CADM2: variants seen among roughly 807,000 people sequenced by gnomAD.
CADM2 encodes immunoglobulin superfamily member 4D.
A neutral mutation model predicts 49.8 loss-of-function variants in CADM2; 12 were observed. That is an observed-to-expected ratio of 0.24 (90% CI 0.15 to 0.39). CADM2 has a LOEUF of 0.39. CADM2 is among the 10% of genes least tolerant of loss of function. CADM2 has a pLI of 1.00. For missense variants in CADM2, 378 were observed against 492.3 expected (o/e 0.77, Z 2.20); for synonymous variants, 214 against 175.4 (o/e 1.22, Z -1.74).
At chr3:85,352,812 T>C (rs1484472587) in intron 1 of CADM2, among the ~76,000 whole-genome samples, 3 of 152,146 alleles carry the variant, frequency 2.0e-5, no homozygotes, top group African/African-American at 7.2e-5. Context: ...TTTTTAGTCT[T>C]TGAATCTACT....
intron 3 of CADM2, among the ~76,000 whole-genome samples, chr3:85,810,087 T>C (rs985212891): frequency 6.6e-6 from 1 of 152,034 alleles, no homozygotes; most frequent in Non-Finnish European, 1.5e-5. Context: ...GTAGCGACAG[T>C]AGGAGAACAT....
Position 86,073,576 on chromosome 3 carries a change from C to T in CADM2, c.*6793C>T, listed in dbSNP as rs568639595. ...TACAGGGTTCCCATTTGCACTTCAT[C>T]TTTCAGTAAAGTCTTGTCAGAAAAA... is the stretch of plus-strand genomic sequence containing the variant. On this transcript the variant is annotated 3_prime_UTR_variant, in exon 10 of 10. Transcript: ENST00000383699. The T allele has an allele frequency of 6.6e-6, 1 of 151,932 alleles. No individual in the cohort carries two copies. Among genetic ancestry groups the T allele is most frequent in the Non-Finnish European group, 1.5e-5 (1 of 67,876 alleles). 9.4% of individuals were successfully genotyped at this position (151,932 alleles called of 1,614,324 possible).
chr3:85,487,907 G>A (rs1404494710), intron 1 of CADM2, among the ~76,000 whole-genome samples: 1 of 152,044 alleles, frequency 6.6e-6, no homozygotes, highest in Non-Finnish European at 1.5e-5. Flanking sequence ...ACTTTAGTGA[G>A]TATAAACTGT....
At chr3:85,571,418 T>C (rs1445407924) in intron 1 of CADM2, among the ~76,000 whole-genome samples, 7 of 151,976 alleles carry the variant, frequency 4.6e-5, no homozygotes, top group Non-Finnish European at 8.8e-5. Context: ...TGTTTTTTTT[T>C]TCTGCTGAAA....
intron 1 of CADM2, among the ~76,000 whole-genome samples, chr3:84,974,444 CTAGAG>C (rs1054890174): frequency 6.6e-6 from 1 of 151,750 alleles, no homozygotes; most frequent in Non-Finnish European, 1.5e-5. Context: ...TGATAAATGG[CTAGAG>C]TATAGTTTTA....
intron 3 of CADM2, among the ~76,000 whole-genome samples, chr3:85,841,633 G>C (rs2074641845): frequency 6.6e-6 from 1 of 151,982 alleles, no homozygotes; most frequent in African/African-American, 2.4e-5. Flanking sequence ...GTTTGTGGCT[G>C]TTGGGGTGGA....
At chr3:85,048,195 A>G (rs1324767341) in intron 1 of CADM2, among the ~76,000 whole-genome samples, 6 of 152,188 alleles carry the variant, frequency 3.9e-5, no homozygotes, top group African/African-American at 1.4e-4. Flanking sequence ...ATTATGTTAT[A>G]GATAGTAGGA....
chr3:85,290,160 G>T (rs980874368), intron 1 of CADM2, among the ~76,000 whole-genome samples: 1 of 152,110 alleles, frequency 6.6e-6, no homozygotes. Context: ...TTCCCTTTCC[G>T]AGTCAAAGAA....
At position 86,026,351 on chromosome 3, in the gene CADM2, G is replaced by GT. The variant is rs532727746; in HGVS notation, c.971-39245dup. Among the ~76,000 whole-genome samples, 128 of 149,590 alleles carry GT rather than the reference G, an allele frequency of 8.6e-4. 2 individuals are homozygous for GT. In the East Asian group the frequency reaches 0.013, roughly 15 times the overall value. The stretch of plus-strand genomic sequence containing the variant: ...CCCCAACTATGCCATTTTTTTTTTG[G>GT]TTTTTTTTTGGCCTTATGACTTTAA... On this transcript the variant is annotated intron_variant, in intron 8 of 9. Transcript: ENST00000383699.
chr3:85,355,437 A>G (rs2031773400), intron 1 of CADM2, among the ~76,000 whole-genome samples: 1 of 152,006 alleles, frequency 6.6e-6, no homozygotes, highest in Non-Finnish European at 1.5e-5. Flanking sequence ...TATTATTTTT[A>G]TTTCTCACTT....
intron 1 of CADM2, among the ~76,000 whole-genome samples, chr3:85,243,960 C>T (rs2042590624): frequency 6.6e-6 from 1 of 151,902 alleles, no homozygotes; most frequent in African/African-American, 2.4e-5. Context: ...ATTTAAATCT[C>T]AACCCCTATT....
intron 7 of CADM2, among the ~76,000 whole-genome samples, chr3:85,944,711 A>G (rs569177149): frequency 6.6e-6 from 1 of 152,272 alleles, no homozygotes; most frequent in African/African-American, 2.4e-5. Flanking sequence ...AGAAATAAAG[A>G]TGTTCTTTGA....
chr3:85,077,375 C>T (rs2200461), intron 1 of CADM2, among the ~76,000 whole-genome samples: 111,673 of 151,908 alleles, frequency 0.74, 42,118 homozygotes, highest in African/African-American at 0.89. Flanking sequence ...TCATAAAATA[C>T]CTTTACAGAG....
intron 8 of CADM2, among the ~76,000 whole-genome samples, chr3:86,055,481 GTTTTAGA>G (rs1737843886): frequency 8.3e-6 from 1 of 121,028 alleles, no homozygotes; most frequent in African/African-American, 3.2e-5. Context: ...TTTTTTTTTG[GTTTTAGA>G]GGGATTCTTG....
intron 1 of CADM2, among the ~76,000 whole-genome samples, chr3:84,964,296 G>A (rs1200351139): frequency 6.6e-6 from 1 of 152,162 alleles, no homozygotes; most frequent in African/African-American, 2.4e-5. Flanking sequence ...TCCTAAGCAT[G>A]CATTTGAAAG....
intron 3 of CADM2, among the ~76,000 whole-genome samples, chr3:85,862,302 A>T (rs1229117447): frequency 6.6e-6 from 1 of 152,128 alleles, no homozygotes; most frequent in East Asian, 1.9e-4. Flanking sequence ...TATCAAGAAA[A>T]TATAATTTTA....
At chr3:85,997,194 A>T (rs1459123333) in intron 8 of CADM2, among the ~76,000 whole-genome samples, 1 of 152,236 alleles carries the variant, frequency 6.6e-6, no homozygotes, top group Non-Finnish European at 1.5e-5. Flanking sequence ...CTCAAGTTTA[A>T]TCTATGAGAC....
At chr3:85,177,434 G>C (rs939986222) in intron 1 of CADM2, among the ~76,000 whole-genome samples, 1 of 151,798 alleles carries the variant, frequency 6.6e-6, no homozygotes, top group African/African-American at 2.4e-5. Flanking sequence ...GAAATAATAA[G>C]TTTACACTTT....
chr3:85,581,499 A>G (rs756513245), intron 1 of CADM2, among the ~76,000 whole-genome samples: 1 of 151,734 alleles, frequency 6.6e-6, no homozygotes, highest in Non-Finnish European at 1.5e-5. Flanking sequence ...AAAATGATCT[A>G]TGAGGAAGAA....
Sources: gnomAD v4.1 joint callset for allele counts (sites outside exome capture counted in the v4.1 genomes callset) on GRCh38, gnomAD v4.1.1 for gene constraint, MANE v1.5 for transcripts, NCBI Gene and HGNC (gene_info 2026-07-23, HGNC 2026-07-21) for gene names.